PDE10A: variants seen among roughly 807,000 people sequenced by gnomAD.
The protein encoded by PDE10A is cAMP and cAMP-inhibited cGMP 3',5'-cyclic phosphodiesterase 10A.
PDE10A carries 39 observed loss-of-function variants against 97.7 expected under a neutral mutation model. That is an observed-to-expected ratio of 0.40 (90% CI 0.31 to 0.52). PDE10A has a LOEUF of 0.52. Among genes scored for constraint, PDE10A ranks in the 20% least tolerant of loss-of-function variants. PDE10A has a pLI of 0.56. For missense variants in PDE10A, 731 were observed against 1,047.8 expected (o/e 0.70, Z 4.17); for synonymous variants, 371 against 376.8 (o/e 0.98, Z 0.18).
chr6:165,767,103 T>C (rs911931915), intron 1 of PDE10A, among the ~76,000 whole-genome samples: 1 of 152,240 alleles, frequency 6.6e-6, no homozygotes, highest in Non-Finnish European at 1.5e-5. Flanking sequence ...ATTTTGCTAC[T>C]ATCCTTTCAC....
At chr6:165,448,064 G>C (rs1791001311) in intron 5 of PDE10A, among the ~76,000 whole-genome samples, 1 of 152,092 alleles carries the variant, frequency 6.6e-6, no homozygotes, top group South Asian at 2.1e-4. Flanking sequence ...TGTATATAAT[G>C]TACATAATAC....
chr6:165,336,789 G>A, intron 20 of PDE10A, among the ~76,000 whole-genome samples: 1 of 147,768 alleles, frequency 6.8e-6, no homozygotes, highest in East Asian at 2.0e-4. Context: ...AATACCTACT[G>A]AAATCTAAGA....
chr6:165,865,984 G>C (rs1781031941), intron 1 of PDE10A, among the ~76,000 whole-genome samples: 1 of 152,102 alleles, frequency 6.6e-6, no homozygotes, highest in Non-Finnish European at 1.5e-5. Context: ...GGAATTTTTA[G>C]GGTTTAAATT....
chr6:165,965,778 T>C (rs1474776986), intron 1 of PDE10A, among the ~76,000 whole-genome samples: 1 of 152,192 alleles, frequency 6.6e-6, no homozygotes, highest in Non-Finnish European at 1.5e-5. Flanking sequence ...TTTTCAATAC[T>C]CTCCACAAGG....
chr6:165,726,740 C>T (rs1313573143), intron 1 of PDE10A, among the ~76,000 whole-genome samples: 2 of 152,244 alleles, frequency 1.3e-5, no homozygotes, highest in African/African-American at 2.4e-5. Context: ...CGGCCATCTG[C>T]GGGCACCGGG....
At chr6:165,496,008 A>AT (rs1345628924) in intron 2 of PDE10A, among the ~76,000 whole-genome samples, 1 of 151,922 alleles carries the variant, frequency 6.6e-6, no homozygotes, top group East Asian at 1.9e-4. Flanking sequence ...GATAAGGGGA[A>AT]TTGGAAGGCA....
chr6:165,733,649 T>C (rs1562709506), intron 1 of PDE10A, among the ~76,000 whole-genome samples: 1 of 152,208 alleles, frequency 6.6e-6, no homozygotes. Flanking sequence ...TAAGGGAACT[T>C]AAAAGTCTGA....
intron 3 of PDE10A, among the ~76,000 whole-genome samples, chr6:165,471,223 C>T (rs1778983057): frequency 6.6e-6 from 1 of 152,010 alleles, no homozygotes; most frequent in African/African-American, 2.4e-5. Context: ...AACATATGCC[C>T]CTGATTCTCT....
chr6:165,837,009 T>C (rs1016731343), intron 1 of PDE10A, among the ~76,000 whole-genome samples: 2 of 127,266 alleles, frequency 1.6e-5, no homozygotes, highest in Non-Finnish European at 1.5e-5. Context: ...TGAGATCACA[T>C]GGACACAGGA....
At chr6:165,377,417 GCCTTT>G (rs1784673934) in intron 18 of PDE10A, among the ~76,000 whole-genome samples, 1 of 151,934 alleles carries the variant, frequency 6.6e-6, no homozygotes, top group Admixed American at 6.6e-5. Flanking sequence ...AACATGCATT[GCCTTT>G]CAATGCATGT....
chr6:165,698,596 T>A (rs1791496021), intron 1 of PDE10A, among the ~76,000 whole-genome samples: 2 of 152,244 alleles, frequency 1.3e-5, no homozygotes, highest in Non-Finnish European at 2.9e-5. Context: ...ATGCCTGTAA[T>A]CCCAGGACTT....
chr6:165,557,489 A>G (rs1223987181), intron 1 of PDE10A, among the ~76,000 whole-genome samples: 1 of 152,178 alleles, frequency 6.6e-6, no homozygotes, highest in Non-Finnish European at 1.5e-5. Context: ...AAAGTGAATG[A>G]CATATTTTAG....
At chr6:165,907,417 C>T (rs1484183193) in intron 1 of PDE10A, among the ~76,000 whole-genome samples, 3 of 152,236 alleles carry the variant, frequency 2.0e-5, no homozygotes, top group African/African-American at 7.2e-5. Flanking sequence ...GGGAGCCTCG[C>T]GTTGCTGGAA....
intron 1 of PDE10A, among the ~76,000 whole-genome samples, chr6:165,846,983 T>A (rs1048838948): frequency 6.6e-6 from 1 of 152,222 alleles, no homozygotes; most frequent in Non-Finnish European, 1.5e-5. Context: ...CAGAAATCTC[T>A]GGCCTTTGGG....
At chr6:165,806,808 A>T (rs1216861623) in intron 1 of PDE10A, among the ~76,000 whole-genome samples, 1 of 152,206 alleles carries the variant, frequency 6.6e-6, no homozygotes, top group Non-Finnish European at 1.5e-5. Flanking sequence ...TCATCTGGAG[A>T]ACCAGAATCA....
chr6:165,371,802 G>A (rs1309102599), intron 18 of PDE10A, among the ~76,000 whole-genome samples: 3 of 152,082 alleles, frequency 2.0e-5, no homozygotes. Context: ...CAACATCCTT[G>A]ATGAACATTG....
intron 1 of PDE10A, among the ~76,000 whole-genome samples, chr6:165,744,046 A>C (rs1476715647): frequency 6.6e-6 from 1 of 152,184 alleles, no homozygotes; most frequent in East Asian, 1.9e-4. Context: ...CCTCCTTTGT[A>C]AAATTGGGAG....
At chr6:165,416,333 A>G (rs761206806) in intron 11 of PDE10A, 52 bp from the exon 12 acceptor site, 10 of 1,110,230 alleles carry the variant, frequency 9.0e-6, no homozygotes, top group Admixed American at 1.7e-5. Flanking sequence ...ACTCTGTAGA[A>G]TAATTCAAAA....
At chr6:165,645,186 T>G (rs1462573337) in intron 1 of PDE10A, among the ~76,000 whole-genome samples, 2 of 152,134 alleles carry the variant, frequency 1.3e-5, no homozygotes, top group Admixed American at 6.5e-5. Context: ...GAGAGCCCAC[T>G]CGATTTCCAA....
Sources: allele counts gnomAD v4.1 joint callset (sites outside exome capture counted in the v4.1 genomes callset), GRCh38; gene constraint gnomAD v4.1.1; transcripts MANE v1.5; gene names NCBI Gene and HGNC (gene_info 2026-07-23, HGNC 2026-07-21).